Variants in CACUL1 observed in about 807,000 individuals in gnomAD.
CACUL1 encodes the protein CDK2 associated cullin domain 1.
CACUL1 carries 13 observed loss-of-function variants against 45.2 expected under a neutral mutation model. The ratio of observed to expected loss-of-function variants is 0.29; its 90% CI spans 0.19 to 0.46. The LOEUF is 0.46. CACUL1 is among the 20% of genes least tolerant of loss of function. CACUL1 has a pLI of 1.00. For synonymous variants in CACUL1, 197 were observed against 174.2 expected (o/e 1.13, Z -1.03); for missense variants, 421 against 471.4 (o/e 0.89, Z 0.99).
intron 6 of CACUL1, among the ~76,000 whole-genome samples, chr10:118,692,184 T>C (rs1351421687): frequency 6.6e-6 from 1 of 152,066 alleles, no homozygotes; most frequent in Non-Finnish European, 1.5e-5. Context: ...GAACGTTTAA[T>C]AAGTGGGCTG....
At chr10:118,739,843 A>G (rs924456997) in intron 1 of CACUL1, among the ~76,000 whole-genome samples, 22 of 152,238 alleles carry the variant, frequency 1.4e-4, no homozygotes, top group Admixed American at 1.1e-3. Flanking sequence ...AAGCTGTTGA[A>G]AAGTTTTAAG....
At chr10:118,698,148 CTTT>C (rs1021447229) in intron 5 of CACUL1, among the ~76,000 whole-genome samples, 7 of 136,186 alleles carry the variant, frequency 5.1e-5, no homozygotes, top group Admixed American at 1.5e-4. Context: ...ACCTCTTTTG[CTTT>C]TTTTTTTTTT....
At chr10:118,738,222 G>A (rs1185459224) in intron 1 of CACUL1, among the ~76,000 whole-genome samples, 1 of 152,164 alleles carries the variant, frequency 6.6e-6, no homozygotes, top group East Asian at 1.9e-4. Context: ...ATGGGTGGAA[G>A]ATGCAATAGA....
chr10:118,701,124 G>T (rs1845375696), intron 5 of CACUL1, among the ~76,000 whole-genome samples, 182 bp downstream of exon 5: 1 of 152,048 alleles, frequency 6.6e-6, no homozygotes, highest in Admixed American at 6.5e-5. Context: ...CAGCTCACCG[G>T]GTGACCTTCA....
rs541673049 is a variant in CACUL1, at chr10:118,699,708, G to T, written c.796+1598C>A. 5.3e-5 allele frequency among the ~76,000 whole-genome samples: 8 copies of T among 151,778 alleles called. No individual in the cohort carries two copies. The South Asian group carries it at 1.7e-3, about 32-fold the overall frequency. ...CGCCCAGGCTGGAGTGCAGTGACGC[G>T]ATCTCGGCTCACTGCAAGCTCCGCA... is the stretch of plus-strand genomic sequence containing the variant. On this transcript the variant is annotated intron_variant, in intron 5 of 8. Transcript: ENST00000369151.
intron 5 of CACUL1, among the ~76,000 whole-genome samples, chr10:118,697,356 A>C (rs1277032797): frequency 6.6e-6 from 1 of 152,240 alleles, no homozygotes; most frequent in African/African-American, 2.4e-5. Flanking sequence ...GTTTCACTCT[A>C]AATTCTGTAC....
intron 4 of CACUL1, 39 bp from the exon 5 acceptor site, chr10:118,701,447 G>T: frequency 8.4e-7 from 1 of 1,196,250 alleles, no homozygotes; most frequent in Non-Finnish European, 1.2e-6. Context: ...TGTATTAATT[G>T]GGGAAATGAT....
chr10:118,742,305 ACC>A (rs1347263472), intron 1 of CACUL1, among the ~76,000 whole-genome samples: 4 of 152,360 alleles, frequency 2.6e-5, no homozygotes, highest in Admixed American at 2.6e-4. Context: ...GTCAAGACAT[ACC>A]ATAAAAGGAT....
chr10:118,739,656 T>A (rs1183680517), intron 1 of CACUL1, among the ~76,000 whole-genome samples: 3 of 152,038 alleles, frequency 2.0e-5, no homozygotes, highest in African/African-American at 7.3e-5. Context: ...AATTCATCAA[T>A]AAAAAGGAAG....
chr10:118,744,855 C>T (rs1331827805), intron 1 of CACUL1, among the ~76,000 whole-genome samples: 1 of 152,108 alleles, frequency 6.6e-6, no homozygotes, highest in African/African-American at 2.4e-5. Context: ...GGGGTTTCAC[C>T]ACGTTGGCCA....
intron 3 of CACUL1, among the ~76,000 whole-genome samples, chr10:118,715,046 G>C (rs756316715): frequency 6.6e-6 from 1 of 152,168 alleles, no homozygotes; most frequent in Non-Finnish European, 1.5e-5. Context: ...TTACCAGATT[G>C]TTGCACTGAG....
rs1845941495 is a variant in CACUL1, at chr10:118,754,821, G to C, written c.-59C>G. On this transcript the variant is annotated 5_prime_UTR_variant, in exon 1 of 9. Coordinates refer to ENST00000369151, the MANE Select transcript of CACUL1 (RefSeq NM_153810.5). ...GCACCTGCCGCCTGTCTCAACCCCG[G>C]GCCAGCGGGCACCGCTGCCTCCCCG... 2 of 1,500,662 alleles carry C rather than the reference G, an allele frequency of 1.3e-6. No homozygotes were observed. Among genetic ancestry groups the C allele is most frequent in the Non-Finnish European group, 1.8e-6 (2 of 1,128,966 alleles). 93.0% of individuals were successfully genotyped at this position (1,500,662 alleles called of 1,614,324 possible).
At chr10:118,726,470 C>A in intron 3 of CACUL1, 1 of 390,490 alleles carries the variant, frequency 2.6e-6, no homozygotes, top group Non-Finnish European at 4.7e-6. Flanking sequence ...GTGAAGTAGT[C>A]AGACAGGGAA....
intron 1 of CACUL1, among the ~76,000 whole-genome samples, chr10:118,735,417 T>A (rs1052026732): frequency 1.3e-5 from 2 of 152,212 alleles, no homozygotes; most frequent in African/African-American, 4.8e-5. Context: ...AGCAGCAGCA[T>A]CACCTGGAAA....
At chr10:118,733,492 C>T (rs1845716126) in intron 1 of CACUL1, among the ~76,000 whole-genome samples, 1 of 149,464 alleles carries the variant, frequency 6.7e-6, no homozygotes, top group African/African-American at 2.6e-5. Context: ...GCAGTCAACA[C>T]TTAAAATGAC....
chr10:118,716,794 CG>C (rs1281365629), intron 3 of CACUL1, among the ~76,000 whole-genome samples: 1 of 152,044 alleles, frequency 6.6e-6, no homozygotes, highest in African/African-American at 2.4e-5. Context: ...ACTAGAGACA[CG>C]GTTTCACCGT....
chr10:118,723,326 C>T (rs1481018330), intron 3 of CACUL1, among the ~76,000 whole-genome samples: 1 of 152,092 alleles, frequency 6.6e-6, no homozygotes, highest in Non-Finnish European at 1.5e-5. Flanking sequence ...ATTTCCTGGA[C>T]AATGCAAGGC....
chr10:118,721,786 T>C (rs899936172), intron 3 of CACUL1, among the ~76,000 whole-genome samples: 2 of 152,174 alleles, frequency 1.3e-5, no homozygotes, highest in African/African-American at 2.4e-5. Context: ...TACATCAAAA[T>C]GTCAGAATAT....
In CACUL1 at chr10:118,682,527, T is replaced by A. The variant is rs1401026726; in HGVS notation, c.*3601A>T. 1 of 152,680 alleles carries A rather than the reference T, an allele frequency of 6.5e-6. No individual in the cohort carries two copies. The highest frequency in any genetic ancestry group is 2.4e-5 in the African/African-American group (1 of 41,470). The allele number at this position is 152,680 out of a possible 1,614,324, so 9.5% of individuals were successfully genotyped here. ...TAATACAAGTGCTCCTGCTCACTTC[T>A]AACTGCAGAAACCAATTTTGTTTGC... On this transcript the variant is annotated 3_prime_UTR_variant, in exon 9 of 9. Coordinates refer to ENST00000369151, the MANE Select transcript of CACUL1 (RefSeq NM_153810.5).
Sources: allele counts gnomAD v4.1 joint callset (sites outside exome capture counted in the v4.1 genomes callset), GRCh38; gene constraint gnomAD v4.1.1; transcripts MANE v1.5; gene names NCBI Gene and HGNC (gene_info 2026-07-23, HGNC 2026-07-21).